The following KIF16B variants were observed in gnomAD, a reference collection of about 807,000 sequenced individuals.
KIF16B encodes kinesin family member 16B, also known as kinesin-like protein KIF16B.
In KIF16B, 98 loss-of-function variants were observed where a neutral mutation model predicts 156.3. The ratio of observed to expected loss-of-function variants is 0.63; its 90% CI spans 0.53 to 0.74. The LOEUF (loss-of-function observed/expected upper bound fraction) is 0.74. Among genes scored for constraint, KIF16B ranks in the 30% least tolerant of loss-of-function variants. KIF16B has a pLI of 0.00. For missense variants in KIF16B, 1,421 were observed against 1,606.5 expected (o/e 0.88, Z 1.97); for synonymous variants, 564 against 583.7 (o/e 0.97, Z 0.49).
intron 12 of KIF16B, among the ~76,000 whole-genome samples, chr20:16,439,374 G>C (rs2146514583): frequency 6.6e-6 from 1 of 152,138 alleles, no homozygotes; most frequent in East Asian, 1.9e-4. Context: ...ACACTACAAT[G>C]GTTTCCCACA....
intron 11 of KIF16B, 113 bp from the exon 12 acceptor site, chr20:16,494,463 GAT>G: frequency 1.6e-6 from 1 of 636,692 alleles, no homozygotes; most frequent in Non-Finnish European, 2.6e-6. Context: ...TTTTAAATGA[GAT>G]CGCGACTTTT....
At chr20:16,563,073 A>G (rs142706056) in intron 1 of KIF16B, among the ~76,000 whole-genome samples, 1 of 152,366 alleles carries the variant, frequency 6.6e-6, no homozygotes, top group African/African-American at 2.4e-5. Flanking sequence ...AAATGTACTT[A>G]AAGTGTCTAT....
chr20:16,463,160 C>A (rs2146691836), intron 12 of KIF16B, among the ~76,000 whole-genome samples: 1 of 152,318 alleles, frequency 6.6e-6, no homozygotes, highest in East Asian at 1.9e-4. Context: ...TGCTCAGGAG[C>A]CCCTCTCTGT....
At chr20:16,293,152 G>C (rs2063336794) in intron 25 of KIF16B, among the ~76,000 whole-genome samples, 1 of 152,176 alleles carries the variant, frequency 6.6e-6, no homozygotes, top group African/African-American at 2.4e-5. Flanking sequence ...AAATCATTAA[G>C]GCAATTTCCC....
chr20:16,314,538 A>G (rs1312026025), intron 24 of KIF16B, among the ~76,000 whole-genome samples: 1 of 152,208 alleles, frequency 6.6e-6, no homozygotes, highest in Non-Finnish European at 1.5e-5. Flanking sequence ...GTGAAAGACC[A>G]TGGGCACTGA....
At chr20:16,374,121 C>A (rs1600232482) in intron 20 of KIF16B, 136 bp downstream of exon 20, 1 of 836,824 alleles carries the variant, frequency 1.2e-6, no homozygotes, top group Non-Finnish European at 1.7e-6. Flanking sequence ...CAGATGAAGG[C>A]AGAGCACATC....
intron 22 of KIF16B, among the ~76,000 whole-genome samples, chr20:16,359,951 C>A (rs1043692075): frequency 2.0e-5 from 3 of 152,188 alleles, no homozygotes; most frequent in African/African-American, 7.2e-5. Flanking sequence ...CTGCCAGAGT[C>A]CCCACTATCA....
intron 23 of KIF16B, among the ~76,000 whole-genome samples, chr20:16,355,111 C>T (rs2064413585): frequency 6.6e-6 from 1 of 151,600 alleles, no homozygotes; most frequent in African/African-American, 2.4e-5. Context: ...AAGTTATTTA[C>T]ATCATTTCCT....
intron 12 of KIF16B, among the ~76,000 whole-genome samples, chr20:16,448,949 T>C (rs948649179): frequency 8.6e-5 from 13 of 151,992 alleles, no homozygotes; most frequent in African/African-American, 2.7e-4. Flanking sequence ...TTAGATTCTA[T>C]ATTAGAAGGA....
At chr20:16,415,682 A>C (rs929300409) in intron 15 of KIF16B, among the ~76,000 whole-genome samples, 1 of 152,110 alleles carries the variant, frequency 6.6e-6, no homozygotes, top group African/African-American at 2.4e-5. Flanking sequence ...AGTCTTAGAC[A>C]TTTCTTCACT....
At chr20:16,454,372 T>G (rs2067160394) in intron 12 of KIF16B, among the ~76,000 whole-genome samples, 1 of 149,066 alleles carries the variant, frequency 6.7e-6, no homozygotes, top group Non-Finnish European at 1.5e-5. Flanking sequence ...ATTTATATAT[T>G]AAGTTTTATA....
At chr20:16,385,305 C>T (rs1018003967) in intron 17 of KIF16B, among the ~76,000 whole-genome samples, 3 of 152,080 alleles carry the variant, frequency 2.0e-5, no homozygotes, top group Non-Finnish European at 4.4e-5. Flanking sequence ...TCTCCTGACA[C>T]TCAGCAGGTT....
At chr20:16,495,984 C>T (rs1319795319) in intron 11 of KIF16B, among the ~76,000 whole-genome samples, 1 of 152,194 alleles carries the variant, frequency 6.6e-6, no homozygotes, top group Non-Finnish European at 1.5e-5. Context: ...AGCCACTGCA[C>T]CTGGCCTGCT....
In KIF16B at chr20:16,445,419, C is replaced by CGTGTGTGTGTGTGTGTGTGT. The variant is rs11467171; in HGVS notation, c.1303-15457_1303-15438dup. Among the ~76,000 whole-genome samples, 438 of 146,862 alleles carry CGTGTGTGTGTGTGTGTGTGT rather than the reference C, an allele frequency of 3.0e-3. 5 individuals carry two copies. The highest frequency in any genetic ancestry group is 0.01 in the African/African-American group (407 of 39,522). On this transcript the variant is annotated intron_variant, in intron 12 of 25. Coordinates refer to ENST00000354981, the MANE Select transcript of KIF16B (RefSeq NM_024704.5). ...TCATTTGTATTCAGACATGTATATA[C>CGTGTGTGTGTGTGTGTGTGT]GTGTGTGTGTGTGTGTGTGTGTGTG... is the stretch of plus-strand genomic sequence containing the variant.
intron 1 of KIF16B, among the ~76,000 whole-genome samples, chr20:16,541,381 C>G (rs16997846): frequency 0.028 from 4,323 of 152,332 alleles, 194 homozygotes; most frequent in African/African-American, 0.099. Context: ...CATCCAAATG[C>G]CAACCTCGAG....
chr20:16,504,168 A>G (rs2068706894), intron 10 of KIF16B, among the ~76,000 whole-genome samples: 1 of 152,240 alleles, frequency 6.6e-6, no homozygotes, highest in Non-Finnish European at 1.5e-5. Flanking sequence ...TTTAGTGGAT[A>G]AAATCTTACA....
chr20:16,495,382 G>C (rs924203280), intron 11 of KIF16B, among the ~76,000 whole-genome samples: 10 of 152,282 alleles, frequency 6.6e-5, no homozygotes, highest in African/African-American at 2.4e-4. Flanking sequence ...ATAGTAACTG[G>C]AAAGGGTATT....
chr20:16,351,619 AG>A (rs1336452838), intron 23 of KIF16B, among the ~76,000 whole-genome samples: 2 of 152,198 alleles, frequency 1.3e-5, no homozygotes, highest in African/African-American at 4.8e-5. Context: ...GTTCTCAGAG[AG>A]AAGCCAGACT....
chr20:16,570,900 T>C (rs1197073647), intron 1 of KIF16B, among the ~76,000 whole-genome samples: 1 of 152,212 alleles, frequency 6.6e-6, no homozygotes, highest in African/African-American at 2.4e-5. Context: ...GTAACATCCT[T>C]AAATTGTGGT....
Sources: gnomAD v4.1 joint callset for allele counts (sites outside exome capture counted in the v4.1 genomes callset) on GRCh38, gnomAD v4.1.1 for gene constraint, MANE v1.5 for transcripts, NCBI Gene and HGNC (gene_info 2026-07-23, HGNC 2026-07-21) for gene names.